Variants in MOB3B observed in about 807,000 individuals in gnomAD.
MOB3B encodes MOB kinase activator-like 2B.
In MOB3B, 7 loss-of-function variants were observed where a neutral mutation model predicts 18.7. The observed-to-expected ratio is 0.37, with a 90% CI of 0.21 to 0.70. The LOEUF (loss-of-function observed/expected upper bound fraction) is 0.70. Among genes scored for constraint, MOB3B ranks in the 30% least tolerant of loss-of-function variants. The pLI, the probability that MOB3B is intolerant of heterozygous loss-of-function variation, is 0.52. For missense variants in MOB3B, 253 were observed against 281.3 expected (o/e 0.90, Z 0.72); for synonymous variants, 111 against 99.9 (o/e 1.11, Z -0.66).
chr9:27,427,920 T>G (rs1036703117), intron 2 of MOB3B, among the ~76,000 whole-genome samples: 11 of 152,158 alleles, frequency 7.2e-5, no homozygotes, highest in African/African-American at 2.4e-4. Context: ...TCTTGCCTAT[T>G]AAGTTGGTTT....
chr9:27,464,092 T>C (rs1819338475), intron 1 of MOB3B, among the ~76,000 whole-genome samples: 1 of 152,220 alleles, frequency 6.6e-6, no homozygotes, highest in African/African-American at 2.4e-5. Flanking sequence ...ATATGGTTAT[T>C]GACATAGTGA....
intron 1 of MOB3B, chr9:27,524,295 T>G: frequency 6.4e-7 from 1 of 1,566,556 alleles, no homozygotes; most frequent in Non-Finnish European, 8.6e-7. Context: ...AAAACATCAT[T>G]GTCATATACA....
At chr9:27,369,864 A>G (rs1259938041) in intron 2 of MOB3B, among the ~76,000 whole-genome samples, 3 of 151,636 alleles carry the variant, frequency 2.0e-5, no homozygotes, top group Non-Finnish European at 2.9e-5. Flanking sequence ...CCTCACCCTC[A>G]GTCTAGGTAG....
intron 3 of MOB3B, among the ~76,000 whole-genome samples, chr9:27,333,154 G>C (rs1458038532): frequency 1.3e-5 from 2 of 152,058 alleles, no homozygotes; most frequent in East Asian, 3.9e-4. Flanking sequence ...AGAGGACAGG[G>C]TACTTATTCA....
chr9:27,373,949 A>G (rs903309337), intron 2 of MOB3B, among the ~76,000 whole-genome samples: 12 of 152,364 alleles, frequency 7.9e-5, no homozygotes, highest in Admixed American at 6.5e-4. Context: ...TCTTGCAGCA[A>G]GTAGCCTAGT....
At chr9:27,425,367 CTG>C (rs1381682578) in intron 2 of MOB3B, among the ~76,000 whole-genome samples, 1 of 124,414 alleles carries the variant, frequency 8.0e-6, no homozygotes, top group East Asian at 2.2e-4. Context: ...AAGAGCAAAA[CTG>C]TCTCAAAAAA....
At chr9:27,496,599 A>T (rs1819904127) in intron 1 of MOB3B, among the ~76,000 whole-genome samples, 1 of 152,234 alleles carries the variant, frequency 6.6e-6, no homozygotes, top group East Asian at 1.9e-4. Context: ...GAATAATAGG[A>T]CTCCAATAAA....
rs1387061254 is a variant in MOB3B at position 27,424,705 on chromosome 9, T to C, written c.418+30428A>G. On this transcript the variant is annotated intron_variant, in intron 2 of 3. Transcript: ENST00000262244. ...TGGTGAGCTTAATGGGATAATGCAA[T>C]TTGTACTGGCCACCGAGCAAAGAAT... Among the ~76,000 whole-genome samples, 6 of 152,240 alleles carry C rather than the reference T, an allele frequency of 3.9e-5. No individual in the cohort carries two copies. The South Asian group carries it at 1.0e-3, about 26-fold the overall frequency.
At chr9:27,405,645 T>A (rs1587187637) in intron 2 of MOB3B, among the ~76,000 whole-genome samples, 1 of 152,082 alleles carries the variant, frequency 6.6e-6, no homozygotes, top group East Asian at 1.9e-4. Flanking sequence ...CTTACCCTAA[T>A]ACCAAAACCA....
At chr9:27,474,908 G>A (rs762835252) in intron 1 of MOB3B, among the ~76,000 whole-genome samples, 4 of 152,174 alleles carry the variant, frequency 2.6e-5, no homozygotes, top group African/African-American at 7.2e-5. Context: ...TTCTAAGGTG[G>A]CTCCTAGTGA....
At chr9:27,475,239 C>T (rs567260139) in intron 1 of MOB3B, among the ~76,000 whole-genome samples, 2 of 152,264 alleles carry the variant, frequency 1.3e-5, no homozygotes, top group African/African-American at 2.4e-5. Flanking sequence ...CCAATGACCA[C>T]TGAGTAAGCT....
At chr9:27,466,259 G>T (rs1174497908) in intron 1 of MOB3B, among the ~76,000 whole-genome samples, 1 of 152,144 alleles carries the variant, frequency 6.6e-6, no homozygotes, top group Non-Finnish European at 1.5e-5. Context: ...AGGGCCACCA[G>T]TCTCTTTGCT....
chr9:27,473,637 C>G (rs1819507821), intron 1 of MOB3B, among the ~76,000 whole-genome samples: 1 of 152,068 alleles, frequency 6.6e-6, no homozygotes, highest in African/African-American at 2.4e-5. Context: ...AGGTCAGCCC[C>G]AAACAGGGGA....
chr9:27,370,075 C>A (rs1307700715), intron 2 of MOB3B, among the ~76,000 whole-genome samples: 2 of 151,650 alleles, frequency 1.3e-5, no homozygotes, highest in Admixed American at 1.3e-4. Context: ...TTGAATGCAA[C>A]GGATTGAATG....
chr9:27,346,195 T>A (rs933977450), intron 3 of MOB3B, among the ~76,000 whole-genome samples: 1 of 152,170 alleles, frequency 6.6e-6, no homozygotes, highest in Non-Finnish European at 1.5e-5. Context: ...AGCAAACCCT[T>A]ATTGGATACC....
intron 1 of MOB3B, among the ~76,000 whole-genome samples, chr9:27,494,370 C>T (rs1385745100): frequency 3.3e-5 from 5 of 152,142 alleles, no homozygotes; most frequent in African/African-American, 1.2e-4. Flanking sequence ...TTTTGAAAAT[C>T]CCTAATAAAA....
intron 1 of MOB3B, among the ~76,000 whole-genome samples, chr9:27,494,913 A>G (rs986131572): frequency 6.6e-6 from 1 of 152,196 alleles, no homozygotes; most frequent in Admixed American, 6.6e-5. Flanking sequence ...TTAAAATGCA[A>G]ATTATGATTC....
rs544897762 is a variant in MOB3B, at chr9:27,438,122, G to A, written c.418+17011C>T. On this transcript the variant is annotated intron_variant, in intron 2 of 3. Coordinates refer to ENST00000262244, the MANE Select transcript of MOB3B (RefSeq NM_024761.5). ...GCTGGATTCACAGATGGCAGTAACAGTAACTATAAATAGCCAAGAGCACTG... is the reference window on the plus strand; with the variant it reads ...GCTGGATTCACAGATGGCAGTAACAATAACTATAAATAGCCAAGAGCACTG... 1.3e-5 allele frequency among the ~76,000 whole-genome samples: 2 copies of A among 152,330 alleles called. 1 individual carries two copies. Among genetic ancestry groups the A allele is most frequent in the South Asian group, 4.1e-4 (2 of 4,830 alleles).
intron 3 of MOB3B, among the ~76,000 whole-genome samples, chr9:27,333,567 A>G (rs772272360): frequency 3.9e-5 from 6 of 152,034 alleles, no homozygotes; most frequent in African/African-American, 7.2e-5. Flanking sequence ...CCACTAAAGA[A>G]CTCCAAAACG....
Sources: gnomAD v4.1 joint callset for allele counts (sites outside exome capture counted in the v4.1 genomes callset) on GRCh38, gnomAD v4.1.1 for gene constraint, MANE v1.5 for transcripts, NCBI Gene and HGNC (gene_info 2026-07-23, HGNC 2026-07-21) for gene names.